HSCB: variants seen among roughly 807,000 people sequenced by gnomAD.
HSCB encodes the protein iron-sulfur cluster co-chaperone protein HscB.
HSCB carries 23 observed loss-of-function variants against 31.3 expected under a neutral mutation model. The observed-to-expected ratio is 0.74, with a 90% CI of 0.53 to 1.04. The LOEUF (loss-of-function observed/expected upper bound fraction) is 1.04, where lower values mean the gene tolerates loss of function less well. HSCB is among the 50% of genes least tolerant of loss of function. The pLI is 0.00. For synonymous variants in HSCB, 110 were observed against 104.5 expected (o/e 1.05, Z -0.32); for missense variants, 297 against 288.1 (o/e 1.03, Z -0.22).
intron 3 of HSCB, chr22:28,745,393 C>A (rs1166460323): frequency 1.3e-5 from 2 of 151,896 alleles, no homozygotes; most frequent in Non-Finnish European, 2.9e-5. Flanking sequence ...ACCAAAAATA[C>A]AAAAAAATTA....
At chr22:28,745,044 C>T (rs534116324) in intron 3 of HSCB, among the ~76,000 whole-genome samples, 116 of 148,220 alleles carry the variant, frequency 7.8e-4, no homozygotes, top group African/African-American at 2.7e-3. Flanking sequence ...GATTGTACTA[C>T]TGCACCCTCT....
intron 4 of HSCB, among the ~76,000 whole-genome samples, chr22:28,750,945 C>CTTTTTTTTTGTTTT (rs2030189296): frequency 1.8e-5 from 1 of 56,452 alleles, no homozygotes; most frequent in African/African-American, 6.7e-5. Context: ...ATATCTTTGT[C>CTTTTTTTTTGTTTT]TTTTTTTTTT....
chr22:28,757,320 G>T lies in HSCB; in HGVS notation c.*151G>T. On this transcript the variant is annotated 3_prime_UTR_variant, in exon 6 of 6. Transcript: ENST00000216027. ...GCCAACATAGTGAAACCCCGTCTCTGCTGAAAATACAAAAATTAGCCGGGC... is the reference window on the plus strand; with the variant it reads ...GCCAACATAGTGAAACCCCGTCTCTTCTGAAAATACAAAAATTAGCCGGGC... The T allele has an allele frequency of 2.1e-6, 1 of 477,510 alleles. No individual in the cohort carries two copies. The highest frequency in any genetic ancestry group is 4.3e-5 in the East Asian group (1 of 23,498). The allele number at this position is 477,510 out of a possible 1,614,324, so 29.6% of individuals were successfully genotyped here.
intron 4 of HSCB, among the ~76,000 whole-genome samples, chr22:28,748,457 T>C (rs1481882051): frequency 6.6e-6 from 1 of 152,026 alleles, no homozygotes; most frequent in African/African-American, 2.4e-5. Flanking sequence ...AGGCCCCATC[T>C]AACAAATCCC....
intron 5 of HSCB, 130 bp downstream of exon 5, chr22:28,751,418 G>C (rs2030246319): frequency 1.8e-6 from 1 of 561,186 alleles, no homozygotes; most frequent in Non-Finnish European, 3.1e-6. Flanking sequence ...AAATACTTAT[G>C]AGTCTACATT....
At chr22:28,752,541 T>A (rs753501831) in intron 5 of HSCB, among the ~76,000 whole-genome samples, 1 of 151,344 alleles carries the variant, frequency 6.6e-6, no homozygotes, top group Non-Finnish European at 1.5e-5. Flanking sequence ...GAGAATATCC[T>A]GGCTAACACA....
chr22:28,753,992 G>T (rs896467233), intron 5 of HSCB, among the ~76,000 whole-genome samples: 3 of 151,538 alleles, frequency 2.0e-5, no homozygotes, highest in Non-Finnish European at 4.4e-5. Context: ...AATTAGCTGG[G>T]TGTGGTGGCA....
At position 28,757,177 on chromosome 22, in the gene HSCB, T is replaced by C; in HGVS notation, c.*8T>C. On this transcript the variant is annotated 3_prime_UTR_variant, in exon 6 of 6. Coordinates refer to ENST00000216027, the MANE Select transcript of HSCB (RefSeq NM_172002.5). ...AAGAAGATTCCCCTTTAATTGTGGATAGTTTAAAGTTTAAAAAATAAAGTT... is the reference window on the plus strand; with the variant it reads ...AAGAAGATTCCCCTTTAATTGTGGACAGTTTAAAGTTTAAAAAATAAAGTT... 1.4e-6 allele frequency: 2 copies of C among 1,389,456 alleles called. No individual in the cohort carries two copies. The highest frequency in any genetic ancestry group is 2.0e-6 in the Non-Finnish European group (2 of 978,854). The allele number at this position is 1,389,456 out of a possible 1,614,324, so 86.1% of individuals were successfully genotyped here. A position where few individuals can be genotyped will look rare whatever the true frequency, so the allele number is the denominator to read the frequency against.
Position 28,745,930 on chromosome 22 carries a change from G to C in HSCB, c.490G>C (p.Glu164Gln). ...TGAAATGGACAGGCAATTCCTCATAGAAATAATGGAAATCAATGAAAAACT... is the reference window on the plus strand; with the variant it reads ...TGAAATGGACAGGCAATTCCTCATACAAATAATGGAAATCAATGAAAAACT... ...DYEMDRQFLI[E>Q]IMEINEKLAE... Residue 164 changes from glutamate to glutamine, a missense_variant, in exon 4 of 6, where the codon GAA becomes CAA. Glu to Gln is a conservative substitution (Grantham distance 29, BLOSUM62 2). Transcript: ENST00000216027. 1 of 1,613,578 alleles carries C rather than the reference G, an allele frequency of 6.2e-7. No homozygotes were observed. Among genetic ancestry groups the C allele is most frequent in the Non-Finnish European group, 8.5e-7 (1 of 1,179,592 alleles).
intron 4 of HSCB, among the ~76,000 whole-genome samples, chr22:28,748,039 G>A (rs1299517235): frequency 6.6e-6 from 1 of 152,120 alleles, no homozygotes; most frequent in Non-Finnish European, 1.5e-5. Context: ...TAAAAAATTA[G>A]CCGGGCGTGT....
intron 4 of HSCB, among the ~76,000 whole-genome samples, chr22:28,749,570 C>T (rs755461968): frequency 2.3e-4 from 35 of 152,322 alleles, no homozygotes; most frequent in Admixed American, 2.0e-4. Context: ...GCTTCCCTCA[C>T]ATCCTCAGCT....
At chr22:28,750,974 A>ATTTTTTTTTTTTTTTTTTTTTTTTTTT (rs1251687533) in intron 4 of HSCB, among the ~76,000 whole-genome samples, 2 of 38,786 alleles carry the variant, frequency 5.2e-5, no homozygotes, top group African/African-American at 2.0e-4. Flanking sequence ...TTTTTTACTG[A>ATTTTTTTTTTTTTTTTTTTTTTTTTTT]TTCTATAGCC....
intron 4 of HSCB, among the ~76,000 whole-genome samples, chr22:28,750,716 C>T (rs972650017): frequency 2.6e-5 from 4 of 152,076 alleles, no homozygotes; most frequent in Admixed American, 6.6e-5. Flanking sequence ...AACAAGGAAA[C>T]GAGAAATATG....
chr22:28,748,620 C>T (rs767171225), intron 4 of HSCB, among the ~76,000 whole-genome samples: 4 of 151,896 alleles, frequency 2.6e-5, no homozygotes, highest in African/African-American at 4.8e-5. Flanking sequence ...TCCAGCTATT[C>T]TCCTGCCTCT....
chr22:28,744,687 A>C lies in HSCB; in HGVS notation c.406A>C (p.Ser136Arg), dbSNP rs753094173. The stretch of plus-strand genomic sequence containing the variant: ...CTATAAGACCCTCCTGGCCCCCCTG[A>C]GCAGAGGACTGTACCTTGTAAGGTG... ...DAYKTLLAPLSRGLYLLKLHG... is the reference protein window; with the variant it reads ...DAYKTLLAPLRRGLYLLKLHG... Residue 136 changes from serine (S) to arginine (R), a missense_variant, in exon 3 of 6, where the codon AGC (serine) becomes CGC (arginine). Ser to Arg is a moderately radical substitution (Grantham distance 110). Coordinates refer to ENST00000216027, the MANE Select transcript of HSCB (RefSeq NM_172002.5). 1 of 1,613,464 alleles carries C rather than the reference A, an allele frequency of 6.2e-7. No homozygotes were observed. Among genetic ancestry groups the C allele is most frequent in the South Asian group, 1.1e-5 (1 of 91,070 alleles).
At chr22:28,751,338 TG>T in intron 5 of HSCB, 50 bp downstream of exon 5, 1 of 1,115,078 alleles carries the variant, frequency 9.0e-7, no homozygotes, top group East Asian at 2.4e-5. Flanking sequence ...TTTCAAGCAC[TG>T]AAGCATAGCC....
chr22:28,742,436 G>C, intron 1 of HSCB, 105 bp downstream of exon 1: 1 of 1,499,842 alleles, frequency 6.7e-7, no homozygotes, highest in Non-Finnish European at 8.9e-7. Context: ...AGGCGGGACT[G>C]ATGGGGGGGC....
chr22:28,755,177 G>A (rs1404672294), intron 5 of HSCB, among the ~76,000 whole-genome samples: 4 of 150,232 alleles, frequency 2.7e-5, no homozygotes, highest in South Asian at 2.1e-4. Flanking sequence ...TTGGGAGGCC[G>A]AGGCGGGCGG....
intron 4 of HSCB, among the ~76,000 whole-genome samples, chr22:28,748,556 A>C (rs959473272): frequency 6.6e-6 from 1 of 151,420 alleles, no homozygotes; most frequent in Non-Finnish European, 1.5e-5. Context: ...TCTGTTGCCC[A>C]GGCTGGAGTG....
Sources: gnomAD v4.1 joint callset for allele counts (sites outside exome capture counted in the v4.1 genomes callset) on GRCh38, gnomAD v4.1.1 for gene constraint, MANE v1.5 for transcripts, NCBI Gene and HGNC (gene_info 2026-07-23, HGNC 2026-07-21) for gene names.